The following SPSB1 variants were observed in gnomAD, a reference collection of about 807,000 sequenced individuals.
SPSB1 encodes SPRY domain-containing SOCS box protein 1.
SPSB1 carries 8 observed loss-of-function variants against 21.2 expected under a neutral mutation model. That is an observed-to-expected ratio of 0.38 (90% confidence interval 0.22 to 0.68). The LOEUF (loss-of-function observed/expected upper bound fraction) is 0.68. SPSB1 is among the 30% of genes least tolerant of loss of function. The probability of loss-of-function intolerance (pLI) is 0.53; values close to 1 mark genes in which losing one functional copy is unlikely to be tolerated. For synonymous variants in SPSB1, 169 were observed against 161.7 expected (o/e 1.05, Z -0.34); for missense variants, 242 against 377.8 (o/e 0.64, Z 2.98).
chr1:9,357,559 G>C (rs934058595), intron 2 of SPSB1, among the ~76,000 whole-genome samples: 2 of 152,218 alleles, frequency 1.3e-5, no homozygotes, highest in Non-Finnish European at 1.5e-5. Flanking sequence ...CAGGCTTAGA[G>C]TCTTTCTCTT....
intron 1 of SPSB1, among the ~76,000 whole-genome samples, chr1:9,335,006 G>T (rs1639982311): frequency 6.6e-6 from 1 of 152,262 alleles, no homozygotes. Flanking sequence ...ATGAACATGG[G>T]TGCACAAATA....
At chr1:9,300,120 G>A (rs1395943163) in intron 1 of SPSB1, among the ~76,000 whole-genome samples, 1 of 152,072 alleles carries the variant, frequency 6.6e-6, no homozygotes, top group Non-Finnish European at 1.5e-5. Flanking sequence ...TGAAATTCGG[G>A]GACCTTCTCC....
At chr1:9,347,515 T>C (rs1640181757) in intron 1 of SPSB1, among the ~76,000 whole-genome samples, 1 of 152,224 alleles carries the variant, frequency 6.6e-6, no homozygotes, top group African/African-American at 2.4e-5. Flanking sequence ...GACCTTTCTC[T>C]GTACCTACAA....
intron 1 of SPSB1, among the ~76,000 whole-genome samples, chr1:9,352,961 G>GC (rs1640291310): frequency 6.6e-6 from 1 of 151,876 alleles, no homozygotes; most frequent in Non-Finnish European, 1.5e-5. Flanking sequence ...AGCGGCAGGG[G>GC]GGCTGTGGAG....
chr1:9,318,118 G>A (rs1639644370), intron 1 of SPSB1, among the ~76,000 whole-genome samples: 1 of 152,234 alleles, frequency 6.6e-6, no homozygotes, highest in South Asian at 2.1e-4. Context: ...GAGAGATGAC[G>A]TTCCCTGTGG....
intron 1 of SPSB1, among the ~76,000 whole-genome samples, chr1:9,319,260 G>C (rs977761503): frequency 1.3e-5 from 2 of 152,206 alleles, no homozygotes; most frequent in Non-Finnish European, 2.9e-5. Flanking sequence ...GGTGGCACAG[G>C]GAGGGCACCA....
Position 9,356,733 on chromosome 1 carries a change from A to T in SPSB1, c.694+148A>T, listed in dbSNP as rs964218165. On this transcript the variant is annotated intron_variant, in intron 2 of 2. Coordinates refer to ENST00000328089, the MANE Select transcript of SPSB1 (RefSeq NM_025106.4). The surrounding 1 kb of genome is among the most constrained non-coding windows in gnomAD (Gnocchi z 7.4). ...TCAGACCCTCAGAGGCAACTTTTGC[A>T]TCGGGTTAAGTGAGGAATTCTACCC... 1 of 1,336,666 alleles carries T rather than the reference A, an allele frequency of 7.5e-7. No individual in the cohort carries two copies. The highest frequency in any genetic ancestry group is 9.8e-7 in the Non-Finnish European group (1 of 1,017,992). The allele number at this position is 1,336,666 out of a possible 1,614,324, so 82.8% of individuals were successfully genotyped here.
rs1639637254 is a variant in SPSB1, at chr1:9,317,673, G to C, written c.-150+24602G>C. On this transcript the variant is annotated intron_variant, in intron 1 of 2. Transcript: ENST00000328089. This position sits in a 1 kb window ranked among gnomAD's most constrained non-coding sequence, Gnocchi z 4.3. ...TGTATTTTGTATTTTTTGTAGAGTT[G>C]GGGTTTCACCCTATTGCCAGGCTGG... 6.6e-6 allele frequency among the ~76,000 whole-genome samples: 1 copy of C among 152,072 alleles called. No individual in the cohort carries two copies. The highest frequency in any genetic ancestry group is 1.5e-5 in the Non-Finnish European group (1 of 68,024).
chr1:9,304,252 G>A (rs1371071288), intron 1 of SPSB1, among the ~76,000 whole-genome samples: 1 of 152,134 alleles, frequency 6.6e-6, no homozygotes, highest in Non-Finnish European at 1.5e-5. Flanking sequence ...TGACCCCATT[G>A]GTCTCCCTGG....
At chr1:9,326,645 C>G (rs892246814) in intron 1 of SPSB1, among the ~76,000 whole-genome samples, 1 of 152,170 alleles carries the variant, frequency 6.6e-6, no homozygotes, top group Non-Finnish European at 1.5e-5. Flanking sequence ...TCCTGTGCCC[C>G]GTCCCAGAAA....
At chr1:9,361,483 C>A (rs1253022897) in intron 2 of SPSB1, among the ~76,000 whole-genome samples, 2 of 152,174 alleles carry the variant, frequency 1.3e-5, no homozygotes, top group South Asian at 4.1e-4. Context: ...TGCGTGTGTG[C>A]CTTCCCGGGG....
chr1:9,323,363 C>T (rs1329443911), intron 1 of SPSB1, among the ~76,000 whole-genome samples: 1 of 152,230 alleles, frequency 6.6e-6, no homozygotes, highest in Non-Finnish European at 1.5e-5. Flanking sequence ...CATGGAGTCA[C>T]TGGGGACTTT....
rs1344605557 is a variant in SPSB1, at chr1:9,317,088, G to A, written c.-150+24017G>A. 6.6e-6 allele frequency among the ~76,000 whole-genome samples: 1 copy of A among 152,190 alleles called. No homozygotes were observed. The highest frequency in any genetic ancestry group is 6.5e-5 in the Admixed American group (1 of 15,276). On this transcript the variant is annotated intron_variant, in intron 1 of 2. Coordinates refer to ENST00000328089, the MANE Select transcript of SPSB1 (RefSeq NM_025106.4). The surrounding 1 kb of genome is among the most constrained non-coding windows in gnomAD (Gnocchi z 4.3). Reference sequence around the variant, plus strand: ...GTTTGCTTCCGGTGCTCTCGCGAAGGAAAGAGAGAACTCACAAATAATATA... The same window carrying A: ...GTTTGCTTCCGGTGCTCTCGCGAAGAAAAGAGAGAACTCACAAATAATATA...
chr1:9,350,573 C>CGTGTGTGCAT (rs759622237), intron 1 of SPSB1, among the ~76,000 whole-genome samples: 1 of 152,186 alleles, frequency 6.6e-6, no homozygotes, highest in Non-Finnish European at 1.5e-5. Context: ...ACAGTGTACA[C>CGTGTGTGCAT]GTGTGTGCAT....
In SPSB1 at chr1:9,346,425, TTCTG is replaced by T. The variant is rs1458834167; in HGVS notation, c.-149-9307_-149-9304del. 6.6e-6 allele frequency among the ~76,000 whole-genome samples: 1 copy of T among 152,156 alleles called. No individual in the cohort carries two copies. Among genetic ancestry groups the T allele is most frequent in the Admixed American group, 6.5e-5 (1 of 15,284 alleles). The stretch of plus-strand genomic sequence containing the variant: ...CCTCTGTGCATCCTTTACCTGCCCT[TTCTG>T]TCTGTCTGTCCCCAGTCGCTTTGGC... On this transcript the variant is annotated intron_variant, in intron 1 of 2. Coordinates refer to ENST00000328089, the MANE Select transcript of SPSB1 (RefSeq NM_025106.4). The surrounding 1 kb of genome is among the most constrained non-coding windows in gnomAD (Gnocchi z 4.4).
At chr1:9,331,968 A>T (rs1349537862) in intron 1 of SPSB1, among the ~76,000 whole-genome samples, 1 of 152,220 alleles carries the variant, frequency 6.6e-6, no homozygotes, top group Non-Finnish European at 1.5e-5. Context: ...TAAAAGGACC[A>T]AAAACAAATG....
In SPSB1 at chr1:9,321,540, G is replaced by A. The variant is rs1404332873; in HGVS notation, c.-150+28469G>A. 6.6e-6 allele frequency among the ~76,000 whole-genome samples: 1 copy of A among 152,182 alleles called. No individual in the cohort carries two copies. Among genetic ancestry groups the A allele is most frequent in the Non-Finnish European group, 1.5e-5 (1 of 68,050 alleles). On this transcript the variant is annotated intron_variant, in intron 1 of 2. Transcript: ENST00000328089. This position sits in a 1 kb window ranked among gnomAD's most constrained non-coding sequence, Gnocchi z 4.8. ...GCGTGCCAAGGATTCAGCTCAGAAC[G>A]GGGAAGAGGGTGTTTGAGAGACTGA...
At chr1:9,347,999 C>T (rs1010892839) in intron 1 of SPSB1, among the ~76,000 whole-genome samples, 7 of 148,230 alleles carry the variant, frequency 4.7e-5, no homozygotes, top group Non-Finnish European at 8.9e-5. Context: ...GGTTCGAGTG[C>T]AGTGGTGCGA....
Position 9,348,065 on chromosome 1 carries a change from C to T in SPSB1, c.-149-7678C>T, listed in dbSNP as rs1465474725. On this transcript the variant is annotated intron_variant, in intron 1 of 2. Transcript: ENST00000328089. This position sits in a 1 kb window ranked among gnomAD's most constrained non-coding sequence, Gnocchi z 4.8. ...GTTCAAGTGATTCTCCTGCCTCAGC[C>T]TCCCGAGTAGCTGGGATTACAGGTG... Among the ~76,000 whole-genome samples, 1 of 151,858 alleles carries T rather than the reference C, an allele frequency of 6.6e-6. No homozygotes were observed. Among genetic ancestry groups the T allele is most frequent in the Admixed American group, 6.6e-5 (1 of 15,260 alleles).
Sources: gnomAD v4.1 joint callset for allele counts (sites outside exome capture counted in the v4.1 genomes callset) on GRCh38, gnomAD v4.1.1 for gene constraint, Gnocchi (gnomAD v3.1) non-coding constraint, MANE v1.5 for transcripts, NCBI Gene and HGNC (gene_info 2026-07-23, HGNC 2026-07-21) for gene names.